The following NAALADL2 variants were observed in gnomAD, a reference collection of about 807,000 sequenced individuals.
NAALADL2 encodes N-acetylated alpha-linked acidic dipeptidase like 2, also known as inactive N-acetylated-alpha-linked acidic dipeptidase-like protein 2.
NAALADL2 carries 76 observed loss-of-function variants against 87.2 expected under a neutral mutation model. The ratio of observed to expected loss-of-function variants is 0.87; its 90% CI spans 0.72 to 1.05. NAALADL2 has a LOEUF of 1.05. NAALADL2 is among the 50% of genes least tolerant of loss of function. NAALADL2 has a pLI of 0.00. For missense variants in NAALADL2, 1,089 were observed against 945.8 expected (o/e 1.15, Z -1.99); for synonymous variants, 354 against 331.0 (o/e 1.07, Z -0.75).
chr3:175,528,295 T>C (rs1162710481), intron 9 of NAALADL2, among the ~76,000 whole-genome samples: 2 of 152,048 alleles, frequency 1.3e-5, no homozygotes. Flanking sequence ...ACAGAAGAAC[T>C]TGGAGTCCAA....
In NAALADL2 at chr3:175,206,617, C is replaced by T. The variant is rs1466563176; in HGVS notation, c.546-27314C>T. 4.0e-5 allele frequency among the ~76,000 whole-genome samples: 6 copies of T among 151,848 alleles called. No individual in the cohort carries two copies. In the South Asian group the frequency reaches 8.3e-4, roughly 21 times the overall value. ...CAAATACAGTTCAGTGTATACTGCT[C>T]GGGTGATGGTTACACCAAAATCTCA... On this transcript the variant is annotated intron_variant, in intron 2 of 13. Coordinates refer to ENST00000454872, the MANE Select transcript of NAALADL2 (RefSeq NM_207015.3).
intron 1 of NAALADL2, among the ~76,000 whole-genome samples, chr3:174,866,386 A>G (rs1175967674): frequency 6.6e-6 from 1 of 151,840 alleles, no homozygotes; most frequent in African/African-American, 2.4e-5. Flanking sequence ...ATTTCTGCAG[A>G]AAAAATTTCA....
chr3:175,038,184 A>T (rs1580141913), intron 1 of NAALADL2, among the ~76,000 whole-genome samples: 2 of 152,270 alleles, frequency 1.3e-5, no homozygotes, highest in African/African-American at 4.8e-5. Context: ...CATTTTTTTA[A>T]GGATTCGTGG....
chr3:175,132,638 G>A (rs1399894210), intron 2 of NAALADL2, among the ~76,000 whole-genome samples: 17 of 130,902 alleles, frequency 1.3e-4, no homozygotes, highest in African/African-American at 4.8e-4. Context: ...TCCCGGACGG[G>A]GTGGCTGGCC....
chr3:174,554,874 G>A (rs1223927157), intron 2 of NAALADL2, among the ~76,000 whole-genome samples: 5 of 152,192 alleles, frequency 3.3e-5, no homozygotes, highest in Non-Finnish European at 7.4e-5. Context: ...AGTTCTAGAG[G>A]CTGGGAAGGT....
At chr3:175,249,630 T>G (rs1165024316) in intron 3 of NAALADL2, among the ~76,000 whole-genome samples, 2 of 152,114 alleles carry the variant, frequency 1.3e-5, no homozygotes, top group Non-Finnish European at 2.9e-5. Flanking sequence ...TGGAAGTTAT[T>G]TTTTATTAAC....
intron 1 of NAALADL2, among the ~76,000 whole-genome samples, chr3:175,018,385 G>T (rs1751126995): frequency 6.6e-6 from 1 of 151,948 alleles, no homozygotes. Flanking sequence ...ACAAGAGATG[G>T]CTTAAGAATT....
chr3:174,475,954 A>G (rs1280932242), intron 1 of NAALADL2, among the ~76,000 whole-genome samples: 1 of 152,096 alleles, frequency 6.6e-6, no homozygotes, highest in Non-Finnish European at 1.5e-5. Flanking sequence ...CATTCAGAGA[A>G]TAGATATCTC....
At chr3:175,333,590 C>A (rs1027596895) in intron 5 of NAALADL2, among the ~76,000 whole-genome samples, 1 of 152,084 alleles carries the variant, frequency 6.6e-6, no homozygotes, top group Non-Finnish European at 1.5e-5. Context: ...TATGCGTGTT[C>A]TTACTCATAT....
At chr3:174,805,489 A>G (rs1013650270) in intron 3 of NAALADL2, among the ~76,000 whole-genome samples, 1 of 152,064 alleles carries the variant, frequency 6.6e-6, no homozygotes, top group Non-Finnish European at 1.5e-5. Flanking sequence ...CTTTAGCACT[A>G]TTTATGCTAT....
At chr3:175,522,190 C>T (rs1294326884) in intron 9 of NAALADL2, among the ~76,000 whole-genome samples, 2 of 152,112 alleles carry the variant, frequency 1.3e-5, no homozygotes, top group Non-Finnish European at 1.5e-5. Context: ...CTTCTAAGCA[C>T]ATTATTTAAA....
chr3:174,704,215 C>G (rs2108891543), intron 2 of NAALADL2, among the ~76,000 whole-genome samples: 2 of 152,202 alleles, frequency 1.3e-5, no homozygotes, highest in South Asian at 4.1e-4. Flanking sequence ...TATCAACTCA[C>G]TACAGTAGGA....
At chr3:174,727,280 TAAAA>T (rs34713382) in intron 2 of NAALADL2, among the ~76,000 whole-genome samples, 1 of 146,622 alleles carries the variant, frequency 6.8e-6, no homozygotes, top group South Asian at 2.1e-4. Context: ...TTCCACTTTC[TAAAA>T]AAAAAAATCA....
chr3:175,085,496 T>A (rs1718706053), intron 1 of NAALADL2, among the ~76,000 whole-genome samples: 1 of 152,188 alleles, frequency 6.6e-6, no homozygotes, highest in African/African-American at 2.4e-5. Context: ...ATGGGGGCTC[T>A]CAAGTGTTAT....
chr3:174,826,409 G>A (rs1722002953), intron 3 of NAALADL2, among the ~76,000 whole-genome samples: 1 of 152,114 alleles, frequency 6.6e-6, no homozygotes, highest in Non-Finnish European at 1.5e-5. Flanking sequence ...TGTAAAATGG[G>A]CATAGTAACA....
rs377581109 is a variant in NAALADL2, at chr3:175,783,639, T to C, written c.2190-19366T>C. Among the ~76,000 whole-genome samples, 424 of 151,560 alleles carry C rather than the reference T, an allele frequency of 2.8e-3. 3 individuals are homozygous for C. Among genetic ancestry groups the C allele is most frequent in the African/African-American group, 9.7e-3 (395 of 40,866 alleles). ...GGGTTTTCTAAATATACAATCATGTTGTCTGCAAACAGGGACAATTTGACT... is the reference window on the plus strand; with the variant it reads ...GGGTTTTCTAAATATACAATCATGTCGTCTGCAAACAGGGACAATTTGACT... On this transcript the variant is annotated intron_variant, in intron 13 of 13. Transcript: ENST00000454872.
chr3:174,998,210 A>G (rs1747785875), intron 1 of NAALADL2, among the ~76,000 whole-genome samples: 1 of 152,194 alleles, frequency 6.6e-6, no homozygotes, highest in Admixed American at 6.5e-5. Flanking sequence ...GATCCTCACG[A>G]CAGTGTACAA....
rs568336315 is a variant in NAALADL2 at position 175,074,744 on chromosome 3, C to G, written c.44-22046C>G. ...GAGGGTTTTTGTTATTTTTTTCAGT[C>G]TGAGGGGAGAGTGGATAGGAACGTG... is the stretch of plus-strand genomic sequence containing the variant. On this transcript the variant is annotated intron_variant, in intron 1 of 13. Coordinates refer to ENST00000454872, the MANE Select transcript of NAALADL2 (RefSeq NM_207015.3). 3.3e-5 allele frequency among the ~76,000 whole-genome samples: 5 copies of G among 151,850 alleles called. No individual in the cohort carries two copies. The South Asian group carries it at 1.0e-3, about 32-fold the overall frequency.
intron 1 of NAALADL2, among the ~76,000 whole-genome samples, chr3:174,938,224 T>A (rs942954459): frequency 5.9e-5 from 9 of 152,094 alleles, no homozygotes; most frequent in Admixed American, 4.6e-4. Flanking sequence ...TTATTCTTTG[T>A]ATTCATGAGT....
Sources: gnomAD v4.1 joint callset for allele counts (sites outside exome capture counted in the v4.1 genomes callset) on GRCh38, gnomAD v4.1.1 for gene constraint, MANE v1.5 for transcripts, NCBI Gene and HGNC (gene_info 2026-07-23, HGNC 2026-07-21) for gene names.